FHIT: variants seen among roughly 807,000 people sequenced by gnomAD.
FHIT encodes fragile histidine triad diadenosine triphosphatase, also known as bis(5'-adenosyl)-triphosphatase.
FHIT carries 19 observed loss-of-function variants against 17.9 expected under a neutral mutation model. The observed-to-expected ratio is 1.06, with a 90% CI of 0.74 to 1.56. The LOEUF (loss-of-function observed/expected upper bound fraction) is 1.56. FHIT is among the 40% of genes most tolerant of loss of function. The pLI is 0.00. For synonymous variants in FHIT, 81 were observed against 69.7 expected (o/e 1.16, Z -0.81); for missense variants, 248 against 189.2 (o/e 1.31, Z -1.82).
At chr3:60,316,636 A>G (rs1709178477) in intron 5 of FHIT, among the ~76,000 whole-genome samples, 1 of 152,198 alleles carries the variant, frequency 6.6e-6, no homozygotes, top group Non-Finnish European at 1.5e-5. Flanking sequence ...GCATTGCTAC[A>G]AATTTGAATG....
intron 5 of FHIT, among the ~76,000 whole-genome samples, chr3:60,191,176 A>G (rs962514931): frequency 1.3e-5 from 2 of 152,196 alleles, no homozygotes; most frequent in African/African-American, 4.8e-5. Context: ...AGAAAACAGC[A>G]CAGTGGTGTA....
At chr3:60,947,846 A>G (rs1339771260) in intron 3 of FHIT, among the ~76,000 whole-genome samples, 4 of 152,214 alleles carry the variant, frequency 2.6e-5, no homozygotes, top group Non-Finnish European at 5.9e-5. Context: ...TAACATCTAG[A>G]TATTTCTTGA....
At chr3:60,325,700 A>G (rs9815526) in intron 5 of FHIT, among the ~76,000 whole-genome samples, 98,025 of 152,070 alleles carry the variant, frequency 0.64, 32,349 homozygotes, top group African/African-American at 0.74. Flanking sequence ...ACCAAGGCAA[A>G]AGAGGATTTA....
At chr3:60,677,089 C>A (rs557992493) in intron 4 of FHIT, among the ~76,000 whole-genome samples, 2 of 152,212 alleles carry the variant, frequency 1.3e-5, no homozygotes, top group East Asian at 3.9e-4. Flanking sequence ...GTTGCCCAGG[C>A]TAGTCTCCAA....
At chr3:60,006,743 C>A (rs1410459205) in intron 7 of FHIT, among the ~76,000 whole-genome samples, 2 of 151,672 alleles carry the variant, frequency 1.3e-5, no homozygotes, top group Non-Finnish European at 2.9e-5. Context: ...GGCTAATATT[C>A]CTAACGGAAC....
intron 4 of FHIT, among the ~76,000 whole-genome samples, chr3:60,751,921 G>A (rs2042474354): frequency 6.6e-6 from 1 of 152,098 alleles, no homozygotes; most frequent in Admixed American, 6.6e-5. Context: ...CTATAAAATA[G>A]AATACTATGC....
chr3:60,496,344 A>T (rs1295440556), intron 5 of FHIT, among the ~76,000 whole-genome samples: 1 of 152,140 alleles, frequency 6.6e-6, no homozygotes, highest in Non-Finnish European at 1.5e-5. Flanking sequence ...ATTGGCAAAG[A>T]ATACACACAA....
chr3:60,090,869 G>A (rs184532899), intron 5 of FHIT, among the ~76,000 whole-genome samples: 18 of 152,258 alleles, frequency 1.2e-4, no homozygotes, highest in African/African-American at 3.4e-4. Context: ...CTCTGGGGTC[G>A]GGGTAAGGTC....
chr3:60,556,877 C>CT (rs1178242985), intron 4 of FHIT, among the ~76,000 whole-genome samples: 1 of 152,170 alleles, frequency 6.6e-6, no homozygotes, highest in Admixed American at 6.5e-5. Flanking sequence ...AGGATGCTCT[C>CT]TTTTTTTCAC....
At chr3:61,152,039 A>G (rs4688297) in intron 2 of FHIT, among the ~76,000 whole-genome samples, 35,033 of 152,090 alleles carry the variant, frequency 0.23, 4,495 homozygotes, top group East Asian at 0.41. Context: ...TTTATATTGT[A>G]GTTAACCATC....
chr3:60,375,921 C>G (rs1260592884), intron 5 of FHIT, among the ~76,000 whole-genome samples: 1 of 152,124 alleles, frequency 6.6e-6, no homozygotes, highest in African/African-American at 2.4e-5. Context: ...CACTGAGCAC[C>G]TGAAATATGG....
At chr3:60,951,381 T>A (rs1459919648) in intron 3 of FHIT, among the ~76,000 whole-genome samples, 5 of 152,064 alleles carry the variant, frequency 3.3e-5, no homozygotes, top group African/African-American at 1.2e-4. Context: ...GTTTTTCGAG[T>A]CATGGAACAC....
chr3:60,904,034 G>A (rs1706261423), intron 3 of FHIT, among the ~76,000 whole-genome samples: 1 of 152,198 alleles, frequency 6.6e-6, no homozygotes, highest in Non-Finnish European at 1.5e-5. Flanking sequence ...CTATAAACGA[G>A]AAAGAGTATC....
At chr3:60,286,856 G>A (rs1006596111) in intron 5 of FHIT, among the ~76,000 whole-genome samples, 3 of 152,036 alleles carry the variant, frequency 2.0e-5, no homozygotes, top group African/African-American at 4.8e-5. Flanking sequence ...TCCAATTTGG[G>A]AATATAAATT....
At chr3:60,834,391 A>G (rs116668511) in intron 3 of FHIT, among the ~76,000 whole-genome samples, 2,012 of 152,274 alleles carry the variant, frequency 0.013, 41 homozygotes, top group African/African-American at 0.046. Flanking sequence ...CTTATTTGCC[A>G]TCTGTATAAC....
At chr3:60,208,462 T>G (rs1043468051) in intron 5 of FHIT, among the ~76,000 whole-genome samples, 44 of 152,170 alleles carry the variant, frequency 2.9e-4, no homozygotes, top group African/African-American at 1.0e-3. Context: ...GGCTGAGAAG[T>G]TGAAAATCCT....
At chr3:60,626,870 C>A (rs1553681148) in intron 4 of FHIT, among the ~76,000 whole-genome samples, 6 of 144,094 alleles carry the variant, frequency 4.2e-5, no homozygotes. Context: ...AAGTTTCATA[C>A]TATTCTATTT....
chr3:60,346,998 T>G (rs1266065862), intron 5 of FHIT, among the ~76,000 whole-genome samples: 3 of 151,184 alleles, frequency 2.0e-5, no homozygotes, highest in African/African-American at 4.8e-5. Flanking sequence ...AATGCTTACA[T>G]GGGAAATATA....
intron 5 of FHIT, among the ~76,000 whole-genome samples, chr3:60,171,797 C>G (rs1273293965): frequency 1.3e-5 from 2 of 152,230 alleles, no homozygotes; most frequent in East Asian, 1.9e-4. Context: ...CCTCGAACTT[C>G]TGGGCTCAAG....
Sources: allele counts gnomAD v4.1 joint callset (sites outside exome capture counted in the v4.1 genomes callset), GRCh38; gene constraint gnomAD v4.1.1; transcripts MANE v1.5; gene names NCBI Gene and HGNC (gene_info 2026-07-23, HGNC 2026-07-21).